The following RIPOR2 variants were observed in gnomAD, a reference collection of about 807,000 sequenced individuals.
The protein encoded by RIPOR2 is rho family-interacting cell polarization regulator 2.
RIPOR2 carries 39 observed loss-of-function variants against 114.5 expected under a neutral mutation model. That is an observed-to-expected ratio of 0.34 (90% CI 0.26 to 0.44). RIPOR2 has a LOEUF of 0.44. RIPOR2 is among the 20% of genes least tolerant of loss of function. The probability of loss-of-function intolerance (pLI) is 1.00; values close to 1 mark genes in which losing one functional copy is unlikely to be tolerated. For synonymous variants in RIPOR2, 445 were observed against 484.4 expected (o/e 0.92, Z 1.07); for missense variants, 1,007 against 1,255.1 (o/e 0.80, Z 2.99).
chr6:24,826,918 T>C (rs930203638), intron 18 of RIPOR2, among the ~76,000 whole-genome samples: 6 of 151,850 alleles, frequency 4.0e-5, no homozygotes, highest in Non-Finnish European at 7.4e-5. Context: ...TTTTTAATAA[T>C]GAAGGCTTTT....
chr6:24,804,699 T>C lies in RIPOR2; in HGVS notation c.*1674A>G, dbSNP rs771388259. ...AAACAATTTGCACTTTGAAATGAAA[T>C]GAGTCCTTTTTAAAAGTCTTGCTAA... is the stretch of plus-strand genomic sequence containing the variant. On this transcript the variant is annotated 3_prime_UTR_variant, in exon 22 of 22. Coordinates refer to ENST00000643898, the MANE Select transcript of RIPOR2 (RefSeq NM_001286445.3). 4 of 152,214 alleles carry C rather than the reference T, an allele frequency of 2.6e-5. No individual in the cohort carries two copies. Among genetic ancestry groups the C allele is most frequent in the East Asian group, 1.9e-4 (1 of 5,200 alleles). The allele number at this position is 152,214 out of a possible 1,614,324, so 9.4% of individuals were successfully genotyped here.
chr6:24,884,217 G>C (rs1178528089), intron 1 of RIPOR2, among the ~76,000 whole-genome samples: 1 of 151,762 alleles, frequency 6.6e-6, no homozygotes, highest in Non-Finnish European at 1.5e-5. Context: ...GACCATCCTG[G>C]CTAACATGGT....
Position 24,858,372 on chromosome 6 carries a change from T to G in RIPOR2, c.715+2601A>C, listed in dbSNP as rs551816458. 2.0e-5 allele frequency among the ~76,000 whole-genome samples: 3 copies of G among 152,288 alleles called. No individual in the cohort carries two copies. In the East Asian group the frequency reaches 5.8e-4, roughly 29 times the overall value. ...GCAAAAAGGGAAGTGAGGAAGGGTGTGGCACGAGGAAGTTAGTGGTTGCCA... is the reference window on the plus strand; with the variant it reads ...GCAAAAAGGGAAGTGAGGAAGGGTGGGGCACGAGGAAGTTAGTGGTTGCCA... On this transcript the variant is annotated intron_variant, in intron 8 of 21. Coordinates refer to ENST00000643898, the MANE Select transcript of RIPOR2 (RefSeq NM_001286445.3). This position sits in a 1 kb window ranked among gnomAD's most constrained non-coding sequence, Gnocchi z 4.0.
intron 1 of RIPOR2, among the ~76,000 whole-genome samples, chr6:25,019,240 C>G (rs1381010569): frequency 1.3e-5 from 2 of 152,116 alleles, no homozygotes; most frequent in African/African-American, 4.8e-5. Context: ...ATGTTTTTAA[C>G]ATAAATACTC....
intron 6 of RIPOR2, among the ~76,000 whole-genome samples, chr6:24,867,663 G>C (rs146314908): frequency 1.7e-3 from 263 of 152,292 alleles, no homozygotes; most frequent in African/African-American, 6.0e-3. Flanking sequence ...TAGTGAGAAA[G>C]TTTATTCTTT....
chr6:24,889,556 T>C (rs1767131517), intron 1 of RIPOR2, among the ~76,000 whole-genome samples: 1 of 152,094 alleles, frequency 6.6e-6, no homozygotes, highest in African/African-American at 2.4e-5. Flanking sequence ...TGTGTTGGAG[T>C]GAACCTCTTA....
rs1762698260 is a variant in RIPOR2 at position 24,849,955 on chromosome 6, C to T, written c.886-5G>A. The T allele has an allele frequency of 6.2e-7, 1 of 1,612,674 alleles. No individual in the cohort carries two copies. The highest frequency in any genetic ancestry group is 1.7e-4 in the Middle Eastern group (1 of 6,054). ...TAGCCCTTTGAGCTCCGTGACCTAG[C>T]AGAGAGAGTGGGAGAGAATAGGCCT... On this transcript the variant is annotated splice_region_variant and splice_polypyrimidine_tract_variant and intron_variant, in intron 10 of 21. Transcript: ENST00000643898.
At chr6:24,847,106 CATTCCTGGCTA>C (rs898499471) in intron 12 of RIPOR2, among the ~76,000 whole-genome samples, 19 of 152,020 alleles carry the variant, frequency 1.2e-4, no homozygotes, top group African/African-American at 4.1e-4. Context: ...CACATGCCTC[CATTCCTGGCTA>C]ATTTTTGTAT....
intron 12 of RIPOR2, among the ~76,000 whole-genome samples, chr6:24,843,909 T>C (rs760830712): frequency 2.4e-4 from 37 of 152,150 alleles, no homozygotes; most frequent in Non-Finnish European, 4.6e-4. Context: ...TTGGCAGCCA[T>C]AGTTATGAAT....
rs867913997 is a variant in RIPOR2, at chr6:24,896,056, G to T, written c.62-20239C>A. Among the ~76,000 whole-genome samples the T allele has an allele frequency of 3.9e-5, 6 of 152,232 alleles. No individual in the cohort carries two copies. In the South Asian group the frequency reaches 8.3e-4, roughly 21 times the overall value. Reference sequence around the variant, plus strand: ...AACTTCTTCATTGCACTGTTGTGAAGACTTAAAAGGAGCCCCGTGTCAGGA... The same window carrying T: ...AACTTCTTCATTGCACTGTTGTGAATACTTAAAAGGAGCCCCGTGTCAGGA... On this transcript the variant is annotated intron_variant, in intron 1 of 21. Transcript: ENST00000643898.
chr6:24,995,428 G>A (rs1775003121), intron 1 of RIPOR2, among the ~76,000 whole-genome samples: 1 of 152,208 alleles, frequency 6.6e-6, no homozygotes, highest in Non-Finnish European at 1.5e-5. Context: ...GGGAGTAGGG[G>A]CAAGTGGCCA....
intron 13 of RIPOR2, chr6:24,840,609 G>A: frequency 6.6e-7 from 1 of 1,514,332 alleles, no homozygotes; most frequent in East Asian, 2.5e-5. Flanking sequence ...CTTAGCGCAA[G>A]GTAGGAAGGG....
chr6:24,963,491 A>G (rs1773395247), intron 1 of RIPOR2, among the ~76,000 whole-genome samples: 1 of 152,240 alleles, frequency 6.6e-6, no homozygotes, highest in Non-Finnish European at 1.5e-5. Flanking sequence ...GTAAAATAAT[A>G]GAATAGAACA....
intron 1 of RIPOR2, among the ~76,000 whole-genome samples, chr6:24,972,900 A>T (rs983133357): frequency 2.0e-5 from 3 of 152,196 alleles, no homozygotes; most frequent in Admixed American, 6.5e-5. Flanking sequence ...ATGGGTGGAG[A>T]CAGGGATAGA....
intron 1 of RIPOR2, among the ~76,000 whole-genome samples, chr6:24,934,113 T>G (rs961281017): frequency 1.3e-5 from 2 of 152,208 alleles, no homozygotes; most frequent in Non-Finnish European, 2.9e-5. Flanking sequence ...CTGGGCGTTT[T>G]GGAATGCCAT....
intron 1 of RIPOR2, among the ~76,000 whole-genome samples, chr6:25,040,123 T>G (rs566017277): frequency 1.1e-4 from 16 of 151,208 alleles, no homozygotes; most frequent in Admixed American, 6.6e-4. Flanking sequence ...ACTTCTACTT[T>G]TTTTTTTTTT....
chr6:24,845,759 C>G (rs1044313071), intron 12 of RIPOR2, among the ~76,000 whole-genome samples: 3 of 152,074 alleles, frequency 2.0e-5, no homozygotes, highest in Admixed American at 6.6e-5. Flanking sequence ...GGGAAGGGCC[C>G]CAATGAGGGA....
At chr6:25,023,835 G>T in intron 1 of RIPOR2, 1 of 740,310 alleles carries the variant, frequency 1.4e-6, no homozygotes, top group South Asian at 1.3e-5. Context: ...GGATGTCAGG[G>T]GTGTTGGGGG....
intron 1 of RIPOR2, among the ~76,000 whole-genome samples, chr6:25,040,752 C>T (rs978020052): frequency 1.3e-4 from 19 of 151,976 alleles, no homozygotes; most frequent in African/African-American, 4.4e-4. Flanking sequence ...ACCACCACGC[C>T]CGGCTAATTT....
Sources: gnomAD v4.1 joint callset for allele counts (sites outside exome capture counted in the v4.1 genomes callset) on GRCh38, gnomAD v4.1.1 for gene constraint, Gnocchi (gnomAD v3.1) non-coding constraint, MANE v1.5 for transcripts, NCBI Gene and HGNC (gene_info 2026-07-23, HGNC 2026-07-21) for gene names.